The following RAP1A variants were observed in gnomAD, a reference collection of about 807,000 sequenced individuals.
RAP1A encodes ras-related protein Rap-1A.
A neutral mutation model predicts 26.4 loss-of-function variants in RAP1A; 6 were observed. The ratio of observed to expected loss-of-function variants is 0.23; its 90% CI spans 0.12 to 0.45. The LOEUF is 0.45. Ranked by LOEUF, RAP1A falls within the 20% of genes least tolerant of loss-of-function variation. The pLI, the probability that RAP1A is intolerant of heterozygous loss-of-function variation, is 0.99. For synonymous variants in RAP1A, 73 were observed against 79.4 expected, an observed-to-expected ratio of 0.92 and a Z score of 0.43; for missense variants, 121 against 217.2, an observed-to-expected ratio of 0.56 and a Z score of 2.78.
At chr1:111,574,198 A>G (rs114385099) in intron 1 of RAP1A, among the ~76,000 whole-genome samples, 2,277 of 152,280 alleles carry the variant, frequency 0.015, 57 homozygotes, top group East Asian at 0.069. Context: ...ACCTAGCACT[A>G]TGTATTGAAT....
chr1:111,571,068 A>G (rs1658038712), intron 1 of RAP1A, among the ~76,000 whole-genome samples: 2 of 152,198 alleles, frequency 1.3e-5, no homozygotes, highest in African/African-American at 4.8e-5. Context: ...GGCTACCTGC[A>G]CTTCTGCCTG....
chr1:111,691,413 C>T lies in RAP1A; in HGVS notation c.53C>T (p.Ala18Val), dbSNP rs1237025893. 1 of 1,611,344 alleles carries T rather than the reference C, an allele frequency of 6.2e-7. No individual in the cohort carries two copies. The highest frequency in any genetic ancestry group is 8.5e-7 in the Non-Finnish European group (1 of 1,177,556). Reference protein sequence around the residue: ...VLGSGGVGKSALTVQFVQGIF... With the variant: ...VLGSGGVGKSVLTVQFVQGIF... ...GGTTCAGGAGGCGTTGGGAAGTCTG[C>T]TCTGGTAAGTTAGCCACCTAACTGT... Residue 18 changes from alanine to valine, a missense_variant, in exon 2 of 8, where the codon GCT becomes GTT. Physicochemically the swap from Ala to Val is moderately conservative, Grantham distance 64. Coordinates refer to ENST00000369709, the MANE Select transcript of RAP1A (RefSeq NM_002884.4).
rs545136832 is a variant in RAP1A, at chr1:111,633,959, A to T, written c.-28+14025A>T. Reference sequence around the variant, plus strand: ...ATAAGCTATATAGTAGGCCTTAAATATTGGACATAAAGAATCATTGCTTTG... The same window carrying T: ...ATAAGCTATATAGTAGGCCTTAAATTTTGGACATAAAGAATCATTGCTTTG... On this transcript the variant is annotated intron_variant, in intron 1 of 7. Transcript: ENST00000369709. Among the ~76,000 whole-genome samples the T allele has an allele frequency of 7.2e-5, 11 of 152,290 alleles. No individual in the cohort carries two copies. The East Asian group carries it at 1.7e-3, about 24-fold the overall frequency.
At chr1:111,608,715 A>G (rs1658863496) in intron 1 of RAP1A, 1 of 161,470 alleles carries the variant, frequency 6.2e-6, no homozygotes, top group Non-Finnish European at 1.3e-5. Flanking sequence ...CCCGGCCAAC[A>G]CAGCGAAACC....
intron 1 of RAP1A, chr1:111,648,525 C>T (rs376616929): frequency 1.6e-5 from 9 of 558,546 alleles, no homozygotes; most frequent in East Asian, 1.3e-4. Context: ...CCCCTCTGCC[C>T]GGGTCTGTGC....
chr1:111,619,854 G>T lies in RAP1A; in HGVS notation c.-108G>T. 2.5e-6 allele frequency: 1 copy of T among 396,896 alleles called. No homozygotes were observed. The highest frequency in any genetic ancestry group is 4.4e-6 in the Non-Finnish European group (1 of 225,690). 24.6% of individuals were successfully genotyped at this position (396,896 alleles called of 1,614,324 possible). The stretch of plus-strand genomic sequence containing the variant: ...CTGTCGCCGCGCAGAGCCGGAGCAG[G>T]AGCCACGGCCGAGAGGAGGGAGGAG... On this transcript the variant is annotated 5_prime_UTR_variant, in exon 1 of 8. Coordinates refer to ENST00000369709, the MANE Select transcript of RAP1A (RefSeq NM_002884.4).
intron 2 of RAP1A, among the ~76,000 whole-genome samples, chr1:111,695,033 G>C (rs1178852117): frequency 1.3e-5 from 2 of 152,078 alleles, no homozygotes; most frequent in Non-Finnish European, 2.9e-5. Flanking sequence ...TTTAAATATT[G>C]ATAATTTTTC....
intron 1 of RAP1A, among the ~76,000 whole-genome samples, chr1:111,558,203 G>A (rs1571466201): frequency 6.6e-6 from 1 of 152,034 alleles, no homozygotes. Context: ...TTTGAGACAG[G>A]GTCTTACTCC....
intron 7 of RAP1A, 22 bp from the exon 8 acceptor site, chr1:111,712,409 A>G (rs960284793): frequency 4.6e-5 from 7 of 152,542 alleles, no homozygotes; most frequent in African/African-American, 1.7e-4. Flanking sequence ...ACATATATGT[A>G]TATCTGTATC....
At chr1:111,579,878 C>T (rs1278237991) in intron 1 of RAP1A, among the ~76,000 whole-genome samples, 2 of 151,216 alleles carry the variant, frequency 1.3e-5, no homozygotes, top group Non-Finnish European at 2.9e-5. Context: ...GGTGTGATCT[C>T]GGCTCACTGC....
chr1:111,602,669 C>T (rs1658695553), intron 1 of RAP1A, among the ~76,000 whole-genome samples: 1 of 152,082 alleles, frequency 6.6e-6, no homozygotes, highest in Non-Finnish European at 1.5e-5. Flanking sequence ...TTCTCTTCTG[C>T]CACTTAAAAA....
chr1:111,614,729 A>G (rs1658985067), intron 1 of RAP1A, among the ~76,000 whole-genome samples: 1 of 152,352 alleles, frequency 6.6e-6, no homozygotes, highest in Non-Finnish European at 1.5e-5. Context: ...AGACAGGGGT[A>G]TGGATGCTCT....
chr1:111,638,314 C>G (rs1050734038), intron 1 of RAP1A, among the ~76,000 whole-genome samples: 2 of 151,958 alleles, frequency 1.3e-5, no homozygotes, highest in African/African-American at 4.8e-5. Context: ...TTTGTTTTTG[C>G]GTATGTCTTT....
chr1:111,671,423 A>C (rs1456227855), intron 1 of RAP1A, among the ~76,000 whole-genome samples: 1 of 152,224 alleles, frequency 6.6e-6, no homozygotes, highest in African/African-American at 2.4e-5. Context: ...AAAATCAGCT[A>C]TTCATAAAAA....
intron 1 of RAP1A, among the ~76,000 whole-genome samples, chr1:111,583,656 T>C (rs1003043485): frequency 1.3e-5 from 2 of 151,984 alleles, no homozygotes; most frequent in African/African-American, 4.8e-5. Context: ...AATGAAAATC[T>C]GAATTGCAAA....
intron 1 of RAP1A, among the ~76,000 whole-genome samples, chr1:111,579,849 G>A (rs147029239): frequency 0.029 from 4,425 of 151,550 alleles, 189 homozygotes; most frequent in African/African-American, 0.09. Flanking sequence ...CTGCTCTGTC[G>A]CCCAGGCTGG....
upstream of RAP1A, among the ~76,000 whole-genome samples, chr1:111,615,078 C>T (rs1658990506): frequency 6.6e-6 from 1 of 151,910 alleles, no homozygotes; most frequent in Admixed American, 6.6e-5. Flanking sequence ...TAACTTAATA[C>T]GTTGACTCCT....
At position 111,703,409 on chromosome 1, in the gene RAP1A, C is replaced by G; in HGVS notation, c.257C>G (p.Ala86Gly). Residue 86 changes from alanine (A) to glycine (G), a missense_variant, in exon 5 of 8, where the codon GCT becomes GGT. Ala to Gly is a moderately conservative substitution (Grantham distance 60). Transcript: ENST00000369709. ...TTTGCACTAGTATATTCTATTACAG[C>G]TCAGTCCACGTTTAACGACTTACAG... ...QGFALVYSIT[A>G]QSTFNDLQDL... 3 of 1,605,982 alleles carry G rather than the reference C, an allele frequency of 1.9e-6. No individual in the cohort carries two copies. Among genetic ancestry groups the G allele is most frequent in the Non-Finnish European group, 2.6e-6 (3 of 1,174,086 alleles).
At position 111,703,443 on chromosome 1, in the gene RAP1A, G is replaced by A. The variant is rs1206465215; in HGVS notation, c.291G>A (p.Arg97=). The A allele has an allele frequency of 6.2e-7, 1 of 1,605,208 alleles. No homozygotes were observed. The highest frequency in any genetic ancestry group is 2.2e-5 in the East Asian group (1 of 44,660). ...QSTFNDLQDL[R]EQILRVKDTE... is the part of the protein sequence containing the mutation. ...CGTTTAACGACTTACAGGACCTGAG[G>A]GAACAGATTTTACGGGTTAAGGACA... Residue 97 remains arginine (R), a synonymous_variant, in exon 5 of 8, where the codon AGG becomes AGA. Coordinates refer to ENST00000369709, the MANE Select transcript of RAP1A (RefSeq NM_002884.4).
Sources: gnomAD v4.1 joint callset for allele counts (sites outside exome capture counted in the v4.1 genomes callset) on GRCh38, gnomAD v4.1.1 for gene constraint, MANE v1.5 for transcripts, NCBI Gene and HGNC (gene_info 2026-07-23, HGNC 2026-07-21) for gene names.